Variants in CTNNA2 observed in about 807,000 individuals in gnomAD.
CTNNA2 encodes the protein catenin alpha 2.
In CTNNA2, 42 loss-of-function variants were observed where a neutral mutation model predicts 101.0. The observed-to-expected ratio is 0.42, with a 90% CI of 0.32 to 0.54. CTNNA2 has a LOEUF of 0.54. Among genes scored for constraint, CTNNA2 ranks in the 20% least tolerant of loss-of-function variants. CTNNA2 has a pLI of 0.14. For synonymous variants in CTNNA2, 450 were observed against 456.4 expected, an observed-to-expected ratio of 0.99 and a Z score of 0.18; for missense variants, 871 against 1,223.1, an observed-to-expected ratio of 0.71 and a Z score of 4.29.
intron 7 of CTNNA2, among the ~76,000 whole-genome samples, chr2:80,180,649 A>G (rs1705721088): frequency 6.6e-6 from 1 of 152,210 alleles, no homozygotes; most frequent in South Asian, 2.1e-4. Flanking sequence ...AGAGCCCTTC[A>G]AGGATGCAGG....
chr2:79,719,383 C>T (rs151148294), intron 2 of CTNNA2, among the ~76,000 whole-genome samples: 89 of 152,170 alleles, frequency 5.8e-4, no homozygotes, highest in African/African-American at 1.9e-3. Context: ...TATGCATGTG[C>T]GTGTCTTTTT....
chr2:79,866,058 A>T (rs548322676), intron 4 of CTNNA2, among the ~76,000 whole-genome samples: 9 of 152,354 alleles, frequency 5.9e-5, no homozygotes, highest in Non-Finnish European at 1.2e-4. Flanking sequence ...AGTTTCAACC[A>T]GGAAAATTAG....
At chr2:80,095,945 A>G (rs566344807) in intron 7 of CTNNA2, among the ~76,000 whole-genome samples, 2 of 152,088 alleles carry the variant, frequency 1.3e-5, no homozygotes, top group Non-Finnish European at 1.5e-5. Context: ...TGATCTTTTC[A>G]AAAAACCAGC....
At chr2:79,998,516 A>T (rs1366613353) in intron 7 of CTNNA2, among the ~76,000 whole-genome samples, 3 of 152,188 alleles carry the variant, frequency 2.0e-5, no homozygotes, top group African/African-American at 7.2e-5. Context: ...ACCTTTTAGA[A>T]ACACACATAA....
chr2:79,629,595 G>T (rs974200923), intron 1 of CTNNA2, among the ~76,000 whole-genome samples: 1 of 152,212 alleles, frequency 6.6e-6, no homozygotes, highest in African/African-American at 2.4e-5. Context: ...AGGTTGGGGG[G>T]TCAGATGTTC....
intron 1 of CTNNA2, among the ~76,000 whole-genome samples, chr2:79,576,298 GA>G: frequency 6.6e-6 from 1 of 152,190 alleles, no homozygotes; most frequent in East Asian, 1.9e-4. Context: ...TTTACAAAAA[GA>G]GTTAAAGGAG....
At chr2:79,892,645 GCAGA>G (rs1051070262) in intron 6 of CTNNA2, among the ~76,000 whole-genome samples, 2 of 152,164 alleles carry the variant, frequency 1.3e-5, no homozygotes, top group African/African-American at 4.8e-5. Flanking sequence ...AAAGAGACAG[GCAGA>G]CAAAGAGACA....
chr2:79,741,911 C>T (rs1338860069), intron 2 of CTNNA2, among the ~76,000 whole-genome samples: 2 of 152,020 alleles, frequency 1.3e-5, no homozygotes, highest in East Asian at 3.9e-4. Flanking sequence ...TTGTTTATTC[C>T]GAGCTGATTA....
intron 1 of CTNNA2, among the ~76,000 whole-genome samples, chr2:79,635,322 C>T (rs1232226095): frequency 6.6e-6 from 1 of 151,756 alleles, no homozygotes; most frequent in Admixed American, 6.6e-5. Flanking sequence ...GTCCCAGCTA[C>T]TCGGGAGGCT....
chr2:79,388,064 A>G (rs927744383), intron 4 of CTNNA2, among the ~76,000 whole-genome samples: 5 of 152,224 alleles, frequency 3.3e-5, no homozygotes, highest in Non-Finnish European at 5.9e-5. Context: ...GTTTTTACTC[A>G]ATCAGAACTG....
chr2:79,917,109 G>A (rs919822273), intron 7 of CTNNA2, among the ~76,000 whole-genome samples: 1 of 150,988 alleles, frequency 6.6e-6, no homozygotes, highest in African/African-American at 2.4e-5. Context: ...GTCTTGCTTT[G>A]TGGCCAGGCT....
intron 1 of CTNNA2, among the ~76,000 whole-genome samples, chr2:79,607,141 G>T (rs1284964970): frequency 1.3e-5 from 2 of 152,120 alleles, no homozygotes; most frequent in Non-Finnish European, 2.9e-5. Context: ...ACGAATATTA[G>T]AAAAAGTAGA....
At chr2:80,092,511 T>TAAG (rs1699850736) in intron 7 of CTNNA2, among the ~76,000 whole-genome samples, 1 of 152,076 alleles carries the variant, frequency 6.6e-6, no homozygotes, top group Admixed American at 6.6e-5. Flanking sequence ...AGGTTTAGGG[T>TAAG]AAGAAACTGG....
chr2:79,245,172 C>T (rs1322299510), intron 2 of CTNNA2, among the ~76,000 whole-genome samples: 2 of 149,598 alleles, frequency 1.3e-5, no homozygotes, highest in Admixed American at 6.7e-5. Context: ...GCATCAAGGC[C>T]GGATGCAGTG....
rs1558641052 is a variant in CTNNA2 at position 79,351,863 on chromosome 2, T to G, written c.-317-21968T>G. Among the ~76,000 whole-genome samples, 4 of 152,224 alleles carry G rather than the reference T, an allele frequency of 2.6e-5. No individual in the cohort carries two copies. The South Asian group carries it at 8.3e-4, about 31-fold the overall frequency. ...GATGAACATCGTATTTGATTCCATG[T>G]CTTTGCTATTGTGAATAGTGCTGGA... On this transcript the variant is annotated intron_variant, in intron 3 of 21. Transcript: ENST00000466387.
At chr2:79,745,244 A>AG (rs1671559572) in intron 3 of CTNNA2, among the ~76,000 whole-genome samples, 1 of 152,138 alleles carries the variant, frequency 6.6e-6, no homozygotes, top group Non-Finnish European at 1.5e-5. Context: ...CAGCCTGGGC[A>AG]ACACGGTGAA....
intron 17 of CTNNA2, among the ~76,000 whole-genome samples, chr2:80,608,671 C>T (rs1270712908): frequency 6.6e-6 from 1 of 151,776 alleles, no homozygotes; most frequent in East Asian, 1.9e-4. Context: ...TAGTAATTTT[C>T]ATTCTCTGTT....
intron 7 of CTNNA2, among the ~76,000 whole-genome samples, chr2:80,370,817 G>C (rs1675373093): frequency 6.6e-6 from 1 of 152,108 alleles, no homozygotes; most frequent in Non-Finnish European, 1.5e-5. Flanking sequence ...TGTAACAAAA[G>C]GCAGATTAGT....
At chr2:79,579,020 C>A (rs1319908626) in intron 1 of CTNNA2, among the ~76,000 whole-genome samples, 1 of 151,316 alleles carries the variant, frequency 6.6e-6, no homozygotes, top group Non-Finnish European at 1.5e-5. Flanking sequence ...ATCCTTCATT[C>A]CTCCCTTCCT....
Sources: allele counts gnomAD v4.1 joint callset (sites outside exome capture counted in the v4.1 genomes callset), GRCh38; gene constraint gnomAD v4.1.1; transcripts MANE v1.5; gene names NCBI Gene and HGNC (gene_info 2026-07-23, HGNC 2026-07-21).